CYP2J2: variants seen among roughly 807,000 people sequenced by gnomAD.
CYP2J2 encodes the protein cytochrome P450 family 2 subfamily J member 2, also known as cytochrome P450 2J2.
Under a neutral mutation model 48.8 loss-of-function variants are expected in CYP2J2, and 41 were observed. The observed-to-expected ratio is 0.84, with a 90% CI of 0.66 to 1.09. CYP2J2 has a LOEUF of 1.09. Among genes scored for constraint, CYP2J2 ranks in the 50% least tolerant of loss-of-function variants. The pLI, the probability that CYP2J2 is intolerant of heterozygous loss-of-function variation, is 0.00. For synonymous variants in CYP2J2, 221 were observed against 227.1 expected, an observed-to-expected ratio of 0.97 and a Z score of 0.24; for missense variants, 644 against 617.3, an observed-to-expected ratio of 1.04 and a Z score of -0.46.
upstream of CYP2J2, among the ~76,000 whole-genome samples, chr1:59,929,238 T>C (rs1240892755): frequency 6.6e-6 from 1 of 152,186 alleles, no homozygotes; most frequent in Non-Finnish European, 1.5e-5. Context: ...AATTAGTCAG[T>C]CCTGTCAAGT....
the CYP2J2 span, among the ~76,000 whole-genome samples, chr1:59,939,840 T>A: frequency 6.6e-6 from 1 of 152,156 alleles, no homozygotes; most frequent in African/African-American, 2.4e-5. Flanking sequence ...CAGAAGAGCC[T>A]TATCCCATGG....
chr1:59,933,084 A>G, the CYP2J2 span, among the ~76,000 whole-genome samples: 2 of 152,228 alleles, frequency 1.3e-5, no homozygotes, highest in African/African-American at 4.8e-5. Flanking sequence ...GTTACAAAGA[A>G]TGCATGGAAC....
the CYP2J2 span, among the ~76,000 whole-genome samples, chr1:59,935,032 A>ATG: frequency 3.1e-3 from 348 of 110,920 alleles, 5 homozygotes; most frequent in Admixed American, 6.3e-3. Flanking sequence ...ATATATATAT[A>ATG]TATATATATA....
rs779509762 is a variant in CYP2J2, at chr1:59,915,979, C to A, written c.332G>T (p.Arg111Leu). ...ATGTTCTCGCATAGGGGTCACGGGGCGGTTCCCAAAGTTTTGGTCCATGTG... is the reference window on the plus strand; with the variant it reads ...ATGTTCTCGCATAGGGGTCACGGGGAGGTTCCCAAAGTTTTGGTCCATGTG... ...LIHMDQNFGNRPVTPMREHIF... is the reference protein window; with the variant it reads ...LIHMDQNFGNLPVTPMREHIF... Residue 111 changes from arginine to leucine, a missense_variant, in exon 2 of 9, where the codon CGC (arginine) becomes CTC (leucine). Arg to Leu is a moderately radical substitution (Grantham distance 102). Transcript: ENST00000371204. 1.2e-6 allele frequency: 2 copies of A among 1,613,878 alleles called. No homozygotes were observed. Among genetic ancestry groups the A allele is most frequent in the Non-Finnish European group, 1.7e-6 (2 of 1,179,876 alleles).
chr1:59,953,407 A>G, the CYP2J2 span, among the ~76,000 whole-genome samples: 184 of 152,298 alleles, frequency 1.2e-3, 3 homozygotes, highest in East Asian at 0.031. Flanking sequence ...CTAGAGAAAA[A>G]GAGTAAATGA....
At chr1:59,907,537 C>T (rs1447082753) in intron 6 of CYP2J2, among the ~76,000 whole-genome samples, 1 of 152,226 alleles carries the variant, frequency 6.6e-6, no homozygotes, top group Non-Finnish European at 1.5e-5. Context: ...TGTCGACTGA[C>T]TTCGTTGATT....
chr1:59,963,047 A>G, the CYP2J2 span, among the ~76,000 whole-genome samples: 2 of 152,160 alleles, frequency 1.3e-5, no homozygotes, highest in Non-Finnish European at 2.9e-5. Context: ...TCACCAGAAC[A>G]TTTTGTTTTT....
chr1:59,903,015 G>A (rs2102111286), intron 7 of CYP2J2, among the ~76,000 whole-genome samples: 1 of 152,352 alleles, frequency 6.6e-6, no homozygotes. Flanking sequence ...AAAATCAGCA[G>A]CAGCAGAAGT....
At chr1:59,935,415 G>A in the CYP2J2 span, among the ~76,000 whole-genome samples, 4 of 151,896 alleles carry the variant, frequency 2.6e-5, no homozygotes, top group Admixed American at 2.6e-4. Flanking sequence ...CCACACACAT[G>A]CACATGCATG....
chr1:59,922,250 C>T (rs1644523032), intron 1 of CYP2J2, among the ~76,000 whole-genome samples: 1 of 152,144 alleles, frequency 6.6e-6, no homozygotes, highest in African/African-American at 2.4e-5. Context: ...GCTGAATAAC[C>T]CGGGCAGTTC....
At chr1:59,941,875 A>G in the CYP2J2 span, among the ~76,000 whole-genome samples, 1 of 152,186 alleles carries the variant, frequency 6.6e-6, no homozygotes, top group Non-Finnish European at 1.5e-5. Flanking sequence ...AACAAATTTA[A>G]AAGTTTATAA....
At chr1:59,907,750 C>T (rs757111980) in intron 6 of CYP2J2, 36 bp downstream of exon 6, 4 of 1,611,956 alleles carry the variant, frequency 2.5e-6, no homozygotes, top group Non-Finnish European at 3.4e-6. Flanking sequence ...AGGCACTATT[C>T]TGTCCTGGTT....
At chr1:59,924,598 A>C (rs964792709) in intron 1 of CYP2J2, among the ~76,000 whole-genome samples, 1 of 152,142 alleles carries the variant, frequency 6.6e-6, no homozygotes, top group African/African-American at 2.4e-5. Flanking sequence ...AATAGACTGC[A>C]ATCAGCTACA....
chr1:59,929,232 A>G (rs1644591728), upstream of CYP2J2, among the ~76,000 whole-genome samples: 1 of 152,244 alleles, frequency 6.6e-6, no homozygotes, highest in Non-Finnish European at 1.5e-5. Flanking sequence ...TCACTAAATT[A>G]GTCAGTCCTG....
the CYP2J2 span, among the ~76,000 whole-genome samples, chr1:59,957,701 C>G: frequency 1.4e-4 from 21 of 149,744 alleles, no homozygotes; most frequent in Non-Finnish European, 2.8e-4. Flanking sequence ...CACACACACA[C>G]ACCACACACA....
At chr1:59,906,711 T>C (rs747824071) in intron 6 of CYP2J2, among the ~76,000 whole-genome samples, 9 of 152,178 alleles carry the variant, frequency 5.9e-5, no homozygotes, top group Non-Finnish European at 1.3e-4. Context: ...CTATTCTTGA[T>C]AACTCATGTA....
At chr1:59,942,765 T>C in the CYP2J2 span, among the ~76,000 whole-genome samples, 3 of 152,070 alleles carry the variant, frequency 2.0e-5, no homozygotes, top group African/African-American at 7.2e-5. Flanking sequence ...TCAAGAAATG[T>C]TTTTGGAAGT....
chr1:59,922,980 C>T (rs186147738), intron 1 of CYP2J2, among the ~76,000 whole-genome samples: 6 of 152,152 alleles, frequency 3.9e-5, no homozygotes, highest in South Asian at 2.1e-4. Flanking sequence ...AGCTGAATTG[C>T]GACTTCTATT....
At chr1:59,932,770 G>A in the CYP2J2 span, among the ~76,000 whole-genome samples, 1 of 150,530 alleles carries the variant, frequency 6.6e-6, no homozygotes, top group East Asian at 1.9e-4. Flanking sequence ...GTGCAATCAT[G>A]GCTCACTGCA....
Sources: allele counts gnomAD v4.1 joint callset (sites outside exome capture counted in the v4.1 genomes callset), GRCh38; gene constraint gnomAD v4.1.1; transcripts MANE v1.5; gene names NCBI Gene and HGNC (gene_info 2026-07-23, HGNC 2026-07-21).